Variants in DEPTOR observed in about 807,000 individuals in gnomAD.
The protein encoded by DEPTOR is DEP domain-containing mTOR-interacting protein.
In DEPTOR, 41 loss-of-function variants were observed where a neutral mutation model predicts 41.6. The ratio of observed to expected loss-of-function variants is 0.98; its 90% CI spans 0.77 to 1.28. DEPTOR has a LOEUF of 1.28. Ranked by LOEUF, DEPTOR falls within the 50% of genes most tolerant of loss-of-function variation. DEPTOR has a pLI of 0.00. For synonymous variants in DEPTOR, 195 were observed against 192.3 expected (o/e 1.01, Z -0.12); for missense variants, 514 against 527.9 (o/e 0.97, Z 0.26).
intron 4 of DEPTOR, among the ~76,000 whole-genome samples, chr8:119,997,026 G>A (rs1812272445): frequency 6.6e-6 from 1 of 152,148 alleles, no homozygotes; most frequent in South Asian, 2.1e-4. Context: ...ATCAAAGTGT[G>A]ATTGACTTAT....
chr8:120,022,286 C>T (rs563221750), intron 8 of DEPTOR, among the ~76,000 whole-genome samples: 4 of 151,808 alleles, frequency 2.6e-5, no homozygotes, highest in South Asian at 2.1e-4. Flanking sequence ...CTACTACATT[C>T]GTATCAGTGG....
In DEPTOR at chr8:119,987,241, G is replaced by A. The variant is rs138437403; in HGVS notation, c.605-14284G>A. 2.3e-3 allele frequency among the ~76,000 whole-genome samples: 345 copies of A among 152,206 alleles called. 4 individuals are homozygous for A. Among genetic ancestry groups the A allele is most frequent in the African/African-American group, 8.1e-3 (335 of 41,534 alleles). On this transcript the variant is annotated intron_variant, in intron 4 of 8. Transcript: ENST00000286234. ...TGTGGATGTCCTTTTTGTTGACGTT[G>A]ATGCTATTCCTCTCTGTTTGCTAGT...
chr8:119,929,693 T>C, intron 2 of DEPTOR, 122 bp from the exon 3 acceptor site: 2 of 1,334,346 alleles, frequency 1.5e-6, no homozygotes, highest in Non-Finnish European at 2.0e-6. Context: ...ATATGGTACA[T>C]ATTTGCATGC....
intron 4 of DEPTOR, among the ~76,000 whole-genome samples, chr8:119,986,681 G>T (rs375437322): frequency 3.2e-4 from 48 of 151,848 alleles, no homozygotes; most frequent in Middle Eastern, 6.8e-3. Flanking sequence ...ACATAGGTTT[G>T]GTCTTTTCAC....
At chr8:119,926,966 C>T (rs765527154) in intron 1 of DEPTOR, among the ~76,000 whole-genome samples, 1 of 152,100 alleles carries the variant, frequency 6.6e-6, no homozygotes, top group Admixed American at 6.5e-5. Flanking sequence ...GCCCAAAATG[C>T]TCATTTTCTT....
chr8:120,048,794 T>A (rs1042890370), intron 8 of DEPTOR, among the ~76,000 whole-genome samples: 5 of 152,206 alleles, frequency 3.3e-5, no homozygotes, highest in Admixed American at 6.5e-5. Flanking sequence ...CCTGTGAGAA[T>A]AGGCGTTTTT....
chr8:119,915,856 C>T (rs569392654), intron 1 of DEPTOR, among the ~76,000 whole-genome samples: 1 of 151,260 alleles, frequency 6.6e-6, no homozygotes, highest in Admixed American at 6.6e-5. Context: ...ACCAGAAGGG[C>T]TCTCTTTCTA....
chr8:119,988,552 G>T (rs1462928041), intron 4 of DEPTOR, among the ~76,000 whole-genome samples: 1 of 152,052 alleles, frequency 6.6e-6, no homozygotes, highest in East Asian at 1.9e-4. Context: ...GTGTGATCTT[G>T]GTTCACTGTA....
intron 8 of DEPTOR, among the ~76,000 whole-genome samples, chr8:120,034,926 C>T (rs543145624): frequency 6.6e-5 from 10 of 152,050 alleles, no homozygotes; most frequent in Non-Finnish European, 1.0e-4. Flanking sequence ...AAGATTCTTA[C>T]GGAGGAAAAA....
chr8:119,957,490 C>T (rs1313024047), intron 3 of DEPTOR, among the ~76,000 whole-genome samples: 2 of 152,144 alleles, frequency 1.3e-5, no homozygotes, highest in Admixed American at 6.5e-5. Context: ...CCATTTTGTC[C>T]TCCAAGACAG....
At chr8:119,976,106 C>A (rs1299058770) in intron 4 of DEPTOR, among the ~76,000 whole-genome samples, 1 of 151,850 alleles carries the variant, frequency 6.6e-6, no homozygotes, top group Non-Finnish European at 1.5e-5. Context: ...AGGCAATCCA[C>A]CTGCCTGGCC....
At chr8:119,920,380 A>C (rs535843670) in intron 1 of DEPTOR, among the ~76,000 whole-genome samples, 1 of 152,330 alleles carries the variant, frequency 6.6e-6, no homozygotes, top group South Asian at 2.1e-4. Context: ...AGTGCGATGA[A>C]TGCTTTACTG....
intron 1 of DEPTOR, among the ~76,000 whole-genome samples, chr8:119,894,617 C>T (rs1329800142): frequency 2.6e-5 from 4 of 151,942 alleles, no homozygotes; most frequent in Non-Finnish European, 5.9e-5. Flanking sequence ...AGGATGGTCT[C>T]GATCTCCTGA....
chr8:119,955,592 A>G (rs902474151), intron 3 of DEPTOR, among the ~76,000 whole-genome samples: 46 of 151,700 alleles, frequency 3.0e-4, no homozygotes, highest in African/African-American at 1.1e-3. Context: ...TCAGCCTCCC[A>G]AGTAGCTGGG....
intron 8 of DEPTOR, among the ~76,000 whole-genome samples, chr8:120,042,756 A>G (rs540641804): frequency 1.3e-5 from 2 of 151,850 alleles, no homozygotes; most frequent in Non-Finnish European, 1.5e-5. Flanking sequence ...CTGACCTCAG[A>G]TGATCCACCT....
intron 3 of DEPTOR, among the ~76,000 whole-genome samples, chr8:119,964,773 C>A (rs1828535430): frequency 6.6e-6 from 1 of 151,882 alleles, no homozygotes; most frequent in South Asian, 2.1e-4. Context: ...ATCTTGTTTG[C>A]TTCTGAAGCA....
intron 4 of DEPTOR, among the ~76,000 whole-genome samples, chr8:119,965,872 G>A (rs1430358581): frequency 6.6e-6 from 1 of 152,152 alleles, no homozygotes; most frequent in Non-Finnish European, 1.5e-5. Context: ...TTAAGCCAAA[G>A]AGCCTTCATA....
intron 3 of DEPTOR, among the ~76,000 whole-genome samples, chr8:119,940,268 A>G (rs1030611349): frequency 2.0e-5 from 3 of 151,990 alleles, no homozygotes; most frequent in Non-Finnish European, 4.4e-5. Context: ...TGATCCAGCA[A>G]TCCTACTTTT....
At chr8:120,028,015 A>G (rs1399314898) in intron 8 of DEPTOR, among the ~76,000 whole-genome samples, 3 of 152,178 alleles carry the variant, frequency 2.0e-5, no homozygotes, top group African/African-American at 7.2e-5. Flanking sequence ...CCTCTTAAAG[A>G]TGGATATGAT....
Sources: allele counts gnomAD v4.1 joint callset (sites outside exome capture counted in the v4.1 genomes callset), GRCh38; gene constraint gnomAD v4.1.1; transcripts MANE v1.5; gene names NCBI Gene and HGNC (gene_info 2026-07-23, HGNC 2026-07-21).